Variants in NCAM2 observed in about 807,000 individuals in gnomAD.
The protein encoded by NCAM2 is N-CAM-2.
NCAM2 carries 30 observed loss-of-function variants against 98.1 expected under a neutral mutation model. The observed-to-expected ratio is 0.31, with a 90% CI of 0.23 to 0.41. The LOEUF is 0.41. NCAM2 is among the 10% of genes least tolerant of loss of function. The pLI, the probability that NCAM2 is intolerant of heterozygous loss-of-function variation, is 1.00. For synonymous variants in NCAM2, 368 were observed against 342.4 expected (o/e 1.07, Z -0.83); for missense variants, 867 against 1,005.8 (o/e 0.86, Z 1.87).
At chr21:21,386,531 A>G (rs1465522553) in intron 9 of NCAM2, among the ~76,000 whole-genome samples, 1 of 152,210 alleles carries the variant, frequency 6.6e-6, no homozygotes. Context: ...CTCTTCATCC[A>G]GAAGATAAAA....
chr21:21,095,866 C>T (rs993966437), intron 1 of NCAM2, among the ~76,000 whole-genome samples: 1 of 151,546 alleles, frequency 6.6e-6, no homozygotes, highest in Non-Finnish European at 1.5e-5. Context: ...ATGAATCTAG[C>T]CCAGTACCTG....
At chr21:21,369,037 G>C (rs2148029329) in intron 8 of NCAM2, among the ~76,000 whole-genome samples, 1 of 151,756 alleles carries the variant, frequency 6.6e-6, no homozygotes, top group South Asian at 2.1e-4. Context: ...TTTTTTCCTA[G>C]AGTTGTGCAA....
intron 1 of NCAM2, among the ~76,000 whole-genome samples, chr21:21,054,720 AG>A (rs1274660633): frequency 6.6e-6 from 1 of 152,098 alleles, no homozygotes; most frequent in Admixed American, 6.5e-5. Flanking sequence ...AATTAATTCA[AG>A]TCTCTCTGTT....
intron 1 of NCAM2, among the ~76,000 whole-genome samples, chr21:21,136,574 G>A (rs2146636437): frequency 6.6e-6 from 1 of 151,268 alleles, no homozygotes; most frequent in East Asian, 1.9e-4. Flanking sequence ...CAATTCTCCT[G>A]CCTTAGCCTC....
rs936313210 is a variant in NCAM2, at chr21:21,183,078, G to A, written c.56-97500G>A. 2.6e-5 allele frequency among the ~76,000 whole-genome samples: 4 copies of A among 152,122 alleles called. No individual in the cohort carries two copies. In the South Asian group the frequency reaches 8.3e-4, roughly 32 times the overall value. On this transcript the variant is annotated intron_variant, in intron 1 of 17. Coordinates refer to ENST00000400546, the MANE Select transcript of NCAM2 (RefSeq NM_004540.5). ...GTGATAGACTTGTTGCTAAAATATG[G>A]TATGGGAATAAGTAGCCGTTTTTGA...
intron 1 of NCAM2, among the ~76,000 whole-genome samples, chr21:21,217,221 T>A (rs2069939816): frequency 6.6e-6 from 1 of 152,180 alleles, no homozygotes; most frequent in Non-Finnish European, 1.5e-5. Flanking sequence ...CCACCAGGTC[T>A]TTGTTATTGC....
At chr21:21,226,199 T>C (rs2070376028) in intron 1 of NCAM2, among the ~76,000 whole-genome samples, 1 of 152,032 alleles carries the variant, frequency 6.6e-6, no homozygotes, top group South Asian at 2.1e-4. Flanking sequence ...AACTACCTAT[T>C]GGGTGCTACG....
chr21:21,297,301 A>T (rs955319759), intron 5 of NCAM2, among the ~76,000 whole-genome samples: 1 of 151,746 alleles, frequency 6.6e-6, no homozygotes, highest in African/African-American at 2.4e-5. Context: ...ATTTTCAGTT[A>T]GCTGGTTGCC....
At chr21:21,187,123 G>A (rs762278323) in intron 1 of NCAM2, among the ~76,000 whole-genome samples, 13 of 151,804 alleles carry the variant, frequency 8.6e-5, no homozygotes, top group South Asian at 2.1e-4. Context: ...CCAGCTACTC[G>A]GGAGGCAGGA....
intron 1 of NCAM2, among the ~76,000 whole-genome samples, chr21:21,087,773 A>T (rs1440257167): frequency 6.6e-6 from 1 of 152,080 alleles, no homozygotes; most frequent in East Asian, 1.9e-4. Flanking sequence ...TGCAATTCAG[A>T]CCAGTCTTCT....
intron 15 of NCAM2, among the ~76,000 whole-genome samples, chr21:21,477,696 G>C (rs1985345606): frequency 6.6e-6 from 1 of 152,080 alleles, no homozygotes; most frequent in African/African-American, 2.4e-5. Context: ...TGGAGTGGTG[G>C]AGAAAGAATG....
chr21:21,155,162 T>G (rs925591777), intron 1 of NCAM2, among the ~76,000 whole-genome samples: 2 of 150,708 alleles, frequency 1.3e-5, no homozygotes, highest in African/African-American at 2.4e-5. Context: ...GGAGGAACTA[T>G]GATGGATATT....
chr21:21,370,927 T>A (rs1400471288), intron 8 of NCAM2, among the ~76,000 whole-genome samples: 1 of 151,908 alleles, frequency 6.6e-6, no homozygotes, highest in Non-Finnish European at 1.5e-5. Flanking sequence ...ATTTGTTGAA[T>A]AAATTTTTTA....
At chr21:21,197,135 GT>G (rs2069033009) in intron 1 of NCAM2, among the ~76,000 whole-genome samples, 1 of 151,928 alleles carries the variant, frequency 6.6e-6, no homozygotes, top group Non-Finnish European at 1.5e-5. Context: ...TTTTTGTTTC[GT>G]TTTTGTTTTT....
At chr21:21,208,567 G>A (rs1338142747) in intron 1 of NCAM2, among the ~76,000 whole-genome samples, 1 of 151,998 alleles carries the variant, frequency 6.6e-6, no homozygotes, top group Non-Finnish European at 1.5e-5. Context: ...AATATACATG[G>A]TTGTAAGTTT....
At chr21:21,307,393 T>TA (rs2147689910) in intron 5 of NCAM2, among the ~76,000 whole-genome samples, 1 of 152,322 alleles carries the variant, frequency 6.6e-6, no homozygotes, top group Admixed American at 6.5e-5. Context: ...ATTTTTACAT[T>TA]AATCATAAAA....
At chr21:21,020,950 C>G (rs557231097) in intron 1 of NCAM2, among the ~76,000 whole-genome samples, 1 of 152,144 alleles carries the variant, frequency 6.6e-6, no homozygotes, top group East Asian at 1.9e-4. Context: ...GTTTATCCCT[C>G]AAATCTTTCT....
intron 12 of NCAM2, among the ~76,000 whole-genome samples, chr21:21,457,600 A>T (rs1323917008): frequency 6.6e-6 from 1 of 151,938 alleles, no homozygotes; most frequent in African/African-American, 2.4e-5. Flanking sequence ...AGATCATGCC[A>T]TTACACACCA....
intron 3 of NCAM2, among the ~76,000 whole-genome samples, chr21:21,285,838 AT>A (rs1269012283): frequency 6.6e-6 from 1 of 151,920 alleles, no homozygotes; most frequent in Admixed American, 6.6e-5. Context: ...GGGTAGAGAG[AT>A]AGAGAACCTT....
Sources: allele counts gnomAD v4.1 joint callset (sites outside exome capture counted in the v4.1 genomes callset), GRCh38; gene constraint gnomAD v4.1.1; transcripts MANE v1.5; gene names NCBI Gene and HGNC (gene_info 2026-07-23, HGNC 2026-07-21).